Variants in IMPG1 observed in about 807,000 individuals in gnomAD.
IMPG1 encodes interphotoreceptor matrix proteoglycan of 150 kDa.
A neutral mutation model predicts 92.0 loss-of-function variants in IMPG1; 85 were observed. The observed-to-expected ratio is 0.92, with a 90% CI of 0.78 to 1.11. The LOEUF (loss-of-function observed/expected upper bound fraction) is 1.11. Among genes scored for constraint, IMPG1 ranks in the 50% least tolerant of loss-of-function variants. The probability of loss-of-function intolerance (pLI) is 0.00; values close to 1 mark genes in which losing one functional copy is unlikely to be tolerated. For missense variants in IMPG1, 1,022 were observed against 956.0 expected, an observed-to-expected ratio of 1.07 and a Z score of -0.91; for synonymous variants, 367 against 334.1, an observed-to-expected ratio of 1.10 and a Z score of -1.08.
rs1356435034 is a variant in IMPG1 at position 76,003,881 on chromosome 6, A to G, written c.1205T>C (p.Ile402Thr). 1.2e-6 allele frequency: 2 copies of G among 1,611,972 alleles called. No individual in the cohort carries two copies. The highest frequency in any genetic ancestry group is 1.1e-5 in the South Asian group (1 of 90,804). Residue 402 changes from isoleucine (I) to threonine (T), a missense_variant, in exon 11 of 17, where the codon ATA (isoleucine) becomes ACA (threonine). By Grantham distance (89) the Ile-to-Thr change is moderately conservative (BLOSUM62 -1). Transcript: ENST00000369950. The part of the protein sequence containing the change: ...QSELPTSFAV[I>T]TEDATLSPEL... Reference sequence around the variant, plus strand: ...AAAGGACAACAAACTTACCTCTGTTATAACAGCAAAAGATGTGGGCAGCTC... The same window carrying G: ...AAAGGACAACAAACTTACCTCTGTTGTAACAGCAAAAGATGTGGGCAGCTC...
chr6:75,923,775 T>G, intron 15 of IMPG1, 69 bp from the exon 16 acceptor site: 1 of 850,084 alleles, frequency 1.2e-6, no homozygotes, highest in Non-Finnish European at 1.9e-6. Flanking sequence ...AACTACATCT[T>G]TCTACTGTTT....
chr6:75,947,938 G>A (rs900409463), intron 13 of IMPG1, among the ~76,000 whole-genome samples: 3 of 151,500 alleles, frequency 2.0e-5, no homozygotes, highest in Non-Finnish European at 4.4e-5. Flanking sequence ...ATGTAAATGG[G>A]ACATCTATTT....
chr6:75,945,542 G>C (rs1288146313), intron 14 of IMPG1, among the ~76,000 whole-genome samples: 1 of 151,976 alleles, frequency 6.6e-6, no homozygotes, highest in East Asian at 1.9e-4. Context: ...GTAGAGACAG[G>C]GTTTTGCCAT....
chr6:76,060,445 T>C (rs1217687840), intron 1 of IMPG1, among the ~76,000 whole-genome samples: 1 of 152,158 alleles, frequency 6.6e-6, no homozygotes, highest in Admixed American at 6.6e-5. Flanking sequence ...TGAATTCTCA[T>C]TACCAGGGCT....
rs1582134039 is a variant in IMPG1 at position 76,055,864 on chromosome 6, A to T, written c.68-13738T>A. 6.6e-5 allele frequency among the ~76,000 whole-genome samples: 10 copies of T among 152,196 alleles called. 2 individuals are homozygous for T. The highest frequency in any genetic ancestry group is 6.6e-4 in the Admixed American group (10 of 15,266). On this transcript the variant is annotated intron_variant, in intron 1 of 16. Coordinates refer to ENST00000369950, the MANE Select transcript of IMPG1 (RefSeq NM_001563.4). Reference sequence around the variant, plus strand: ...AGAAACGTGTAACTTACTATAACTCAAAAAGAGGTAGGATAATTAAATATT... The same window carrying T: ...AGAAACGTGTAACTTACTATAACTCTAAAAGAGGTAGGATAATTAAATATT...
chr6:75,946,376 G>C (rs1460568007), intron 14 of IMPG1, among the ~76,000 whole-genome samples: 2 of 152,032 alleles, frequency 1.3e-5, no homozygotes, highest in Admixed American at 6.6e-5. Flanking sequence ...TTCTGCTTTC[G>C]TTGTTAGTCC....
chr6:76,035,863 T>G (rs1783734839), intron 2 of IMPG1, among the ~76,000 whole-genome samples: 1 of 152,224 alleles, frequency 6.6e-6, no homozygotes, highest in South Asian at 2.1e-4. Context: ...GGGAGTGAAC[T>G]GAGTTGAGGG....
chr6:75,979,775 G>T (rs926107162), intron 12 of IMPG1, among the ~76,000 whole-genome samples: 1 of 152,164 alleles, frequency 6.6e-6, no homozygotes, highest in African/African-American at 2.4e-5. Flanking sequence ...TTTAGCAAAA[G>T]CATTGTTTAT....
At chr6:76,038,603 T>G (rs1302991527) in intron 2 of IMPG1, among the ~76,000 whole-genome samples, 1 of 152,164 alleles carries the variant, frequency 6.6e-6, no homozygotes, top group Non-Finnish European at 1.5e-5. Flanking sequence ...GGGAGGGACC[T>G]GAAAACTTCT....
chr6:76,049,865 G>A (rs1582130297), intron 1 of IMPG1, among the ~76,000 whole-genome samples: 1 of 152,240 alleles, frequency 6.6e-6, no homozygotes, highest in African/African-American at 2.4e-5. Flanking sequence ...GAAAATGGTT[G>A]GCACCGAAGG....
chr6:75,930,184 C>T (rs963528486), intron 15 of IMPG1, among the ~76,000 whole-genome samples: 1 of 152,128 alleles, frequency 6.6e-6, no homozygotes, highest in East Asian at 1.9e-4. Context: ...GCTTCTCTTA[C>T]CCTTTCTGTC....
chr6:75,938,011 C>A (rs1421705731), intron 14 of IMPG1, among the ~76,000 whole-genome samples: 1 of 152,222 alleles, frequency 6.6e-6, no homozygotes, highest in Non-Finnish European at 1.5e-5. Flanking sequence ...GCTGGAGATG[C>A]TGGCAGAATA....
At chr6:75,960,226 T>C (rs1015165601) in intron 12 of IMPG1, among the ~76,000 whole-genome samples, 16 of 152,276 alleles carry the variant, frequency 1.1e-4, no homozygotes, top group Admixed American at 5.2e-4. Flanking sequence ...CCCAGTGAGA[T>C]GAGTTGGGTA....
At chr6:75,975,354 A>C (rs1782516900) in intron 12 of IMPG1, among the ~76,000 whole-genome samples, 1 of 152,236 alleles carries the variant, frequency 6.6e-6, no homozygotes, top group African/African-American at 2.4e-5. Flanking sequence ...TGATGTCCTG[A>C]AAAAATTAAT....
At chr6:75,961,093 C>T (rs1228572018) in intron 12 of IMPG1, among the ~76,000 whole-genome samples, 1 of 152,184 alleles carries the variant, frequency 6.6e-6, no homozygotes, top group African/African-American at 2.4e-5. Flanking sequence ...CCAGAAGCCC[C>T]ATTAGTAGCC....
intron 12 of IMPG1, among the ~76,000 whole-genome samples, chr6:75,980,614 G>A (rs1290353068): frequency 2.0e-5 from 3 of 152,190 alleles, no homozygotes; most frequent in Non-Finnish European, 2.9e-5. Context: ...CCTGTGCTGG[G>A]TGCTTTCTGC....
intron 7 of IMPG1, among the ~76,000 whole-genome samples, chr6:76,011,789 T>C (rs1296936978): frequency 7.6e-6 from 1 of 130,846 alleles, no homozygotes. Flanking sequence ...CCTGTGTCCA[T>C]GTGATCTCAT....
chr6:75,974,376 T>TC (rs1782485857), intron 12 of IMPG1, among the ~76,000 whole-genome samples: 1 of 91,044 alleles, frequency 1.1e-5, no homozygotes, highest in African/African-American at 4.0e-5. Context: ...TCTTTCTTTC[T>TC]TTCTTTCTTT....
chr6:75,962,013 G>T (rs6918833), intron 12 of IMPG1, among the ~76,000 whole-genome samples: 1 of 152,152 alleles, frequency 6.6e-6, no homozygotes, highest in African/African-American at 2.4e-5. Context: ...CAGTTACCCA[G>T]GTGTAAAATG....
Sources: gnomAD v4.1 joint callset for allele counts (sites outside exome capture counted in the v4.1 genomes callset) on GRCh38, gnomAD v4.1.1 for gene constraint, MANE v1.5 for transcripts, NCBI Gene and HGNC (gene_info 2026-07-23, HGNC 2026-07-21) for gene names.